ZNF215: variants seen among roughly 807,000 people sequenced by gnomAD.
The protein encoded by ZNF215 is BWSCR2-associated zinc finger protein 2.
ZNF215 carries 24 observed loss-of-function variants against 27.2 expected under a neutral mutation model. The observed-to-expected ratio is 0.88, with a 90% CI of 0.64 to 1.24. ZNF215 has a LOEUF of 1.24. Among genes scored for constraint, ZNF215 ranks in the 50% most tolerant of loss-of-function variants. The pLI, the probability that ZNF215 is intolerant of heterozygous loss-of-function variation, is 0.00. For missense variants in ZNF215, 675 were observed against 605.7 expected, an observed-to-expected ratio of 1.11 and a Z score of -1.20; for synonymous variants, 210 against 204.0, an observed-to-expected ratio of 1.03 and a Z score of -0.25.
chr11:6,982,760 G>T (rs1224407802), intron 5 of ZNF215, among the ~76,000 whole-genome samples: 11 of 151,980 alleles, frequency 7.2e-5, no homozygotes, highest in African/African-American at 2.4e-4. Context: ...TCAAAGCAGT[G>T]TGTAGAGGGA....
downstream of ZNF215, among the ~76,000 whole-genome samples, chr11:6,986,046 A>G (rs562167161): frequency 6.6e-6 from 1 of 152,282 alleles, no homozygotes; most frequent in African/African-American, 2.4e-5. Flanking sequence ...TAATGGAACC[A>G]AAAAAGATCT....
downstream of ZNF215, among the ~76,000 whole-genome samples, chr11:6,958,979 T>A (rs1232443905): frequency 6.6e-6 from 1 of 152,172 alleles, no homozygotes; most frequent in Non-Finnish European, 1.5e-5. Context: ...CGGTCTGCCT[T>A]TCCCAGTCCA....
downstream of ZNF215, among the ~76,000 whole-genome samples, chr11:6,986,537 C>G (rs568177081): frequency 4.7e-4 from 71 of 152,168 alleles, no homozygotes; most frequent in Middle Eastern, 3.4e-3. Context: ...AATTAAAGAG[C>G]TTCTGCACAG....
chr11:6,983,583 A>C (rs1427252877), intron 5 of ZNF215, among the ~76,000 whole-genome samples: 1 of 152,206 alleles, frequency 6.6e-6, no homozygotes, highest in African/African-American at 2.4e-5. Flanking sequence ...TTCCAAATGT[A>C]TCAAAGTTTT....
downstream of ZNF215, among the ~76,000 whole-genome samples, chr11:6,961,828 C>T (rs1162947018): frequency 6.6e-6 from 1 of 152,098 alleles, no homozygotes; most frequent in African/African-American, 2.4e-5. Flanking sequence ...CTCTCGACAC[C>T]TTGTCCTTTA....
At chr11:6,940,463 C>T (rs1316112031) in intron 3 of ZNF215, among the ~76,000 whole-genome samples, 1 of 152,114 alleles carries the variant, frequency 6.6e-6, no homozygotes, top group Non-Finnish European at 1.5e-5. Flanking sequence ...CACCACCACA[C>T]CTGGCTAATT....
chr11:6,954,489 G>A lies in ZNF215; in HGVS notation c.713-1201G>A, dbSNP rs928728458. 5.9e-5 allele frequency among the ~76,000 whole-genome samples: 9 copies of A among 152,362 alleles called. 1 individual carries two copies. The highest frequency in any genetic ancestry group is 3.3e-4 in the Admixed American group (5 of 15,312). On this transcript the variant is annotated intron_variant, in intron 6 of 6. Transcript: ENST00000278319. Reference sequence around the variant, plus strand: ...GCTGCCACCTTGCAGTTTGATGTCAGACTGCTGTGCTAGCAGTCAGGGAGA... The same window carrying A: ...GCTGCCACCTTGCAGTTTGATGTCAAACTGCTGTGCTAGCAGTCAGGGAGA...
chr11:6,926,952 A>G (rs1225295842), intron 1 of ZNF215: 1 of 139,996 alleles, frequency 7.1e-6, no homozygotes, highest in Non-Finnish European at 1.5e-5. Context: ...GAGAGCAGCG[A>G]CAGAGGGCGA....
downstream of ZNF215, among the ~76,000 whole-genome samples, chr11:6,960,598 T>TA (rs905574425): frequency 6.6e-6 from 1 of 152,188 alleles, no homozygotes; most frequent in Non-Finnish European, 1.5e-5. Context: ...TACTTAAATA[T>TA]ATCATAAGCA....
downstream of ZNF215, among the ~76,000 whole-genome samples, chr11:6,987,463 C>T (rs1851071557): frequency 6.6e-6 from 1 of 152,144 alleles, no homozygotes; most frequent in Admixed American, 6.5e-5. Flanking sequence ...GTGCTCCAAA[C>T]TTCAGTATCA....
In ZNF215 at chr11:6,956,772, T is replaced by C; in HGVS notation, c.*241T>C. On this transcript the variant is annotated 3_prime_UTR_variant, in exon 7 of 7. Coordinates refer to ENST00000278319, the MANE Select transcript of ZNF215 (RefSeq NM_013250.4). ...TTGGAGTTAAACCACAGTATCACCATACAAGTATTTGTTTATCATTATTTT... is the reference window on the plus strand; with the variant it reads ...TTGGAGTTAAACCACAGTATCACCACACAAGTATTTGTTTATCATTATTTT... The C allele has an allele frequency of 2.3e-6, 3 of 1,279,560 alleles. No individual in the cohort carries two copies. Among genetic ancestry groups the C allele is most frequent in the Non-Finnish European group, 3.0e-6 (3 of 1,015,972 alleles). 79.3% of individuals were successfully genotyped at this position (1,279,560 alleles called of 1,614,324 possible).
chr11:6,938,154 A>G (rs1275614670), intron 3 of ZNF215, among the ~76,000 whole-genome samples: 1 of 152,034 alleles, frequency 6.6e-6, no homozygotes, highest in Non-Finnish European at 1.5e-5. Context: ...TAACAAGATA[A>G]GGAACAGTTT....
chr11:6,947,015 A>G (rs542994388), intron 6 of ZNF215, among the ~76,000 whole-genome samples: 54 of 152,324 alleles, frequency 3.5e-4, no homozygotes, highest in South Asian at 2.1e-3. Context: ...GTTGTGGCAA[A>G]TGGGATATCT....
chr11:6,984,124 TTC>T, intron 5 of ZNF215: 1 of 418,148 alleles, frequency 2.4e-6, no homozygotes, highest in Non-Finnish European at 4.7e-6. Context: ...TTTTTTTTTT[TTC>T]AGATGGAGTT....
chr11:6,951,236 T>C (rs2133268509), intron 6 of ZNF215, among the ~76,000 whole-genome samples: 1 of 152,284 alleles, frequency 6.6e-6, no homozygotes, highest in East Asian at 1.9e-4. Context: ...ATCAGGATGA[T>C]GCTGGCCTCA....
intron 5 of ZNF215, among the ~76,000 whole-genome samples, chr11:6,969,185 C>T (rs1350441463): frequency 6.6e-6 from 1 of 151,912 alleles, no homozygotes; most frequent in Non-Finnish European, 1.5e-5. Flanking sequence ...GAAAGAAAGC[C>T]CTCATATTGA....
At chr11:6,973,840 G>C (rs1272871357) in intron 5 of ZNF215, among the ~76,000 whole-genome samples, 1 of 152,156 alleles carries the variant, frequency 6.6e-6, no homozygotes, top group Non-Finnish European at 1.5e-5. Context: ...CCATTCTGTA[G>C]GTTGCCTGTT....
chr11:6,948,773 T>G (rs1365072906), intron 6 of ZNF215, among the ~76,000 whole-genome samples: 1 of 152,122 alleles, frequency 6.6e-6, no homozygotes, highest in Admixed American at 6.5e-5. Context: ...ATTATTATAC[T>G]TTAAGTTTTA....
chr11:6,968,553 G>T (rs1590081908), intron 5 of ZNF215, among the ~76,000 whole-genome samples: 2 of 145,958 alleles, frequency 1.4e-5, no homozygotes, highest in Admixed American at 6.9e-5. Context: ...CAGGCACTCT[G>T]GTATGTAACA....
Sources: gnomAD v4.1 joint callset for allele counts (sites outside exome capture counted in the v4.1 genomes callset) on GRCh38, gnomAD v4.1.1 for gene constraint, MANE v1.5 for transcripts, NCBI Gene and HGNC (gene_info 2026-07-23, HGNC 2026-07-21) for gene names.